The following FRMD4A variants were observed in gnomAD, a reference collection of about 807,000 sequenced individuals.
FRMD4A encodes FERM domain containing 4A.
In FRMD4A, 29 loss-of-function variants were observed where a neutral mutation model predicts 129.1. The observed-to-expected ratio is 0.22, with a 90% CI of 0.17 to 0.31. The LOEUF (loss-of-function observed/expected upper bound fraction) is 0.31, where lower values mean the gene tolerates loss of function less well. Among genes scored for constraint, FRMD4A ranks in the 10% least tolerant of loss-of-function variants. The probability of loss-of-function intolerance (pLI) is 1.00; values close to 1 mark genes in which losing one functional copy is unlikely to be tolerated. For synonymous variants in FRMD4A, 634 were observed against 571.6 expected (o/e 1.11, Z -1.56); for missense variants, 1,272 against 1,375.8 (o/e 0.92, Z 1.19).
intron 2 of FRMD4A, among the ~76,000 whole-genome samples, chr10:14,297,331 T>C (rs1213878469): frequency 1.3e-5 from 2 of 152,104 alleles, no homozygotes; most frequent in Non-Finnish European, 2.9e-5. Flanking sequence ...CTTCCATCCT[T>C]ATTCCTGCAG....
intron 2 of FRMD4A, among the ~76,000 whole-genome samples, chr10:13,922,763 A>AT (rs946485852): frequency 3.3e-5 from 5 of 151,848 alleles, no homozygotes; most frequent in African/African-American, 1.2e-4. Flanking sequence ...TGCTTTGTAA[A>AT]TTTTTTTTTC....
At chr10:14,063,223 C>G (rs1336815588) in intron 2 of FRMD4A, among the ~76,000 whole-genome samples, 1 of 151,432 alleles carries the variant, frequency 6.6e-6, no homozygotes, top group Admixed American at 6.6e-5. Flanking sequence ...GTGCCCAGCT[C>G]AGACTCCCAG....
At chr10:14,080,999 C>T (rs1160160124) in intron 2 of FRMD4A, among the ~76,000 whole-genome samples, 1 of 151,984 alleles carries the variant, frequency 6.6e-6, no homozygotes, top group Non-Finnish European at 1.5e-5. Flanking sequence ...AAGCACTGTC[C>T]TAACTAAATC....
At chr10:13,750,751 T>C (rs531872504) in intron 8 of FRMD4A, among the ~76,000 whole-genome samples, 8 of 152,332 alleles carry the variant, frequency 5.3e-5, no homozygotes, top group African/African-American at 1.4e-4. Flanking sequence ...CAGCCTCTCC[T>C]GGGTTTGATC....
chr10:14,095,529 C>A (rs1452552685), intron 2 of FRMD4A, among the ~76,000 whole-genome samples: 1 of 152,208 alleles, frequency 6.6e-6, no homozygotes, highest in Non-Finnish European at 1.5e-5. Context: ...GCCGAAGCAC[C>A]TCGCCGGGAT....
chr10:14,246,355 G>A (rs1844235611), intron 2 of FRMD4A, among the ~76,000 whole-genome samples: 1 of 146,914 alleles, frequency 6.8e-6, no homozygotes, highest in Admixed American at 7.0e-5. Context: ...TCCAAGAAGT[G>A]GTAGTACAGA....
chr10:14,247,240 G>A (rs1409844100), intron 2 of FRMD4A, among the ~76,000 whole-genome samples: 2 of 150,958 alleles, frequency 1.3e-5, no homozygotes, highest in Non-Finnish European at 3.0e-5. Flanking sequence ...CCATCCTGGT[G>A]GAAGTCAGTT....
chr10:13,714,390 C>A (rs1055431294), intron 12 of FRMD4A, among the ~76,000 whole-genome samples: 1 of 150,946 alleles, frequency 6.6e-6, no homozygotes, highest in Non-Finnish European at 1.5e-5. Flanking sequence ...GGGTTGAAAT[C>A]ATATGTCAGA....
chr10:13,753,716 T>A (rs992235168), intron 8 of FRMD4A, among the ~76,000 whole-genome samples: 2 of 151,992 alleles, frequency 1.3e-5, no homozygotes, highest in South Asian at 2.1e-4. Context: ...GTTAATTTTT[T>A]AAATATTTTG....
chr10:13,865,386 C>CTTTA (rs1564935212), intron 2 of FRMD4A, among the ~76,000 whole-genome samples: 13 of 140,904 alleles, frequency 9.2e-5, no homozygotes, highest in African/African-American at 3.2e-4. Context: ...ATCAGGCTTA[C>CTTTA]TTTATTTTAT....
intron 2 of FRMD4A, among the ~76,000 whole-genome samples, chr10:14,239,901 A>T (rs1366882558): frequency 6.6e-6 from 1 of 152,184 alleles, no homozygotes; most frequent in East Asian, 1.9e-4. Context: ...CCATTCAAAG[A>T]ATAGTGGTGT....
intron 2 of FRMD4A, among the ~76,000 whole-genome samples, chr10:14,015,502 G>A (rs572071780): frequency 2.0e-5 from 3 of 151,696 alleles, no homozygotes; most frequent in Admixed American, 6.6e-5. Context: ...TGAGCAGACA[G>A]GCAAATGAGA....
chr10:13,812,737 G>A (rs2093470953), intron 3 of FRMD4A, among the ~76,000 whole-genome samples: 1 of 152,228 alleles, frequency 6.6e-6, no homozygotes, highest in African/African-American at 2.4e-5. Context: ...TAAACTGAAA[G>A]AATGGGTTTG....
chr10:13,861,877 C>T (rs1467860887), intron 2 of FRMD4A, among the ~76,000 whole-genome samples: 2 of 152,198 alleles, frequency 1.3e-5, no homozygotes, highest in African/African-American at 4.8e-5. Context: ...AAAATAGCTG[C>T]TGCTTTACCA....
intron 2 of FRMD4A, among the ~76,000 whole-genome samples, chr10:13,918,443 T>G (rs1181475082): frequency 2.0e-5 from 3 of 152,198 alleles, no homozygotes; most frequent in Admixed American, 6.5e-5. Flanking sequence ...ATTTATTTAT[T>G]TATTCATTCC....
intron 5 of FRMD4A, among the ~76,000 whole-genome samples, chr10:13,783,534 A>C (rs1182846268): frequency 7.8e-6 from 1 of 128,588 alleles, no homozygotes; most frequent in Admixed American, 8.8e-5. Flanking sequence ...ACAGTTGCAT[A>C]CCACCACGCC....
At chr10:13,982,165 A>G (rs541736375) in intron 2 of FRMD4A, among the ~76,000 whole-genome samples, 100 of 152,030 alleles carry the variant, frequency 6.6e-4, no homozygotes, top group African/African-American at 2.2e-3. Context: ...CCCCTTTTAC[A>G]TCTTTCTATG....
In FRMD4A at chr10:13,954,454, C is replaced by T. The variant is rs572720335; in HGVS notation, c.46-95542G>A. Among the ~76,000 whole-genome samples the T allele has an allele frequency of 2.6e-4, 40 of 152,236 alleles. No homozygotes were observed. In the South Asian group the frequency reaches 5.6e-3, roughly 21 times the overall value. On this transcript the variant is annotated intron_variant, in intron 2 of 24. Transcript: ENST00000357447. Reference sequence around the variant, plus strand: ...CTTATCCACTATCATGAGAACAGCACGGGAAAGATCCGCCCCCATGATTCA... The same window carrying T: ...CTTATCCACTATCATGAGAACAGCATGGGAAAGATCCGCCCCCATGATTCA...
intron 2 of FRMD4A, among the ~76,000 whole-genome samples, chr10:13,934,589 T>C (rs2095232773): frequency 6.6e-6 from 1 of 152,192 alleles, no homozygotes; most frequent in Non-Finnish European, 1.5e-5. Flanking sequence ...GACTGAAGGT[T>C]CCTTAGGGCC....
Sources: gnomAD v4.1 joint callset for allele counts (sites outside exome capture counted in the v4.1 genomes callset) on GRCh38, gnomAD v4.1.1 for gene constraint, MANE v1.5 for transcripts, NCBI Gene and HGNC (gene_info 2026-07-23, HGNC 2026-07-21) for gene names.